The following CYB5R4 variants were observed in gnomAD, a reference collection of about 807,000 sequenced individuals.
CYB5R4 encodes the protein cytochrome b5 reductase 4.
A neutral mutation model predicts 70.2 loss-of-function variants in CYB5R4; 55 were observed. That is an observed-to-expected ratio of 0.78 (90% confidence interval 0.63 to 0.98). The LOEUF (loss-of-function observed/expected upper bound fraction) is 0.98, where lower values mean the gene tolerates loss of function less well. Among genes scored for constraint, CYB5R4 ranks in the 50% least tolerant of loss-of-function variants. CYB5R4 has a pLI of 0.00. For synonymous variants in CYB5R4, 197 were observed against 199.5 expected (o/e 0.99, Z 0.11); for missense variants, 562 against 612.6 (o/e 0.92, Z 0.87).
chr6:83,876,268 GGGGAT>G (rs1210356404), intron 2 of CYB5R4, among the ~76,000 whole-genome samples: 6 of 152,082 alleles, frequency 3.9e-5, no homozygotes, highest in African/African-American at 1.2e-4. Flanking sequence ...TGCACACTGT[GGGGAT>G]TGGGTAAATA....
At chr6:83,902,295 A>G (rs750810522) in intron 3 of CYB5R4, among the ~76,000 whole-genome samples, 11 of 152,044 alleles carry the variant, frequency 7.2e-5, no homozygotes, top group Non-Finnish European at 1.3e-4. Context: ...CTCATTGTAT[A>G]TTCTTGACGT....
At chr6:83,913,091 A>C (rs1430114641) in intron 4 of CYB5R4, among the ~76,000 whole-genome samples, 1 of 152,204 alleles carries the variant, frequency 6.6e-6, no homozygotes, top group South Asian at 2.1e-4. Context: ...TAAACTGTTG[A>C]CCTTATTGTA....
At chr6:83,937,766 G>A (rs9362021) in intron 12 of CYB5R4, among the ~76,000 whole-genome samples, 23,222 of 152,144 alleles carry the variant, frequency 0.15, 3,390 homozygotes, top group African/African-American at 0.37. Flanking sequence ...TGATTGGCCC[G>A]CCTTGGCCTC....
Position 83,940,602 on chromosome 6 carries a change from G to T in CYB5R4, c.1346+1G>T. ...AGAAATTAGCATTTAAAGATAAAAGGTATTAAACTGATATTAGCTCTGCGT... is the reference window on the plus strand; with the variant it reads ...AGAAATTAGCATTTAAAGATAAAAGTTATTAAACTGATATTAGCTCTGCGT... On this transcript the variant is annotated splice_donor_variant, in intron 14 of 15. Coordinates refer to ENST00000369681, the MANE Select transcript of CYB5R4 (RefSeq NM_016230.4). LOFTEE classifies it high-confidence loss of function. 6.3e-7 allele frequency: 1 copy of T among 1,596,696 alleles called. No individual in the cohort carries two copies. Among genetic ancestry groups the T allele is most frequent in the Non-Finnish European group, 8.5e-7 (1 of 1,174,206 alleles).
At chr6:83,933,460 G>A (rs1203721320) in intron 10 of CYB5R4, among the ~76,000 whole-genome samples, 1 of 151,932 alleles carries the variant, frequency 6.6e-6, no homozygotes, top group Non-Finnish European at 1.5e-5. Flanking sequence ...ATTAGCTGTT[G>A]GCCCTTCACT....
Position 83,965,510 on chromosome 6 carries a change from T to C in CYB5R4, c.*5632T>C, listed in dbSNP as rs1188205086. 6.6e-6 allele frequency: 1 copy of C among 152,252 alleles called. No homozygotes were observed. Among genetic ancestry groups the C allele is most frequent in the Non-Finnish European group, 1.5e-5 (1 of 68,046 alleles). The allele number at this position is 152,252 out of a possible 1,614,324, so 9.4% of individuals were successfully genotyped here. A position where few individuals can be genotyped will look rare whatever the true frequency, so the allele number is the denominator to read the frequency against. ...TTACCCAATACCTGTACCCTCATTG[T>C]ATCTAGGAAGTAACTAGCTTGCTTT... On this transcript the variant is annotated 3_prime_UTR_variant, in exon 16 of 16. Coordinates refer to ENST00000369681, the MANE Select transcript of CYB5R4 (RefSeq NM_016230.4).
rs16874081 is a variant in CYB5R4 at position 83,887,888 on chromosome 6, A to T, written c.230-5634A>T. 3.8e-3 allele frequency among the ~76,000 whole-genome samples: 578 copies of T among 152,244 alleles called. 13 individuals are homozygous for T. The East Asian group carries it at 0.056, about 15-fold the overall frequency. ...TTGCCACTGAAGAGCACCCATGTCA[A>T]TGATCTAAAAATACCAGTTGGATTG... On this transcript the variant is annotated intron_variant, in intron 2 of 15. Transcript: ENST00000369681.
In CYB5R4 at chr6:83,878,626, G is replaced by A. The variant is rs532738357; in HGVS notation, c.229+14298G>A. 6.6e-5 allele frequency among the ~76,000 whole-genome samples: 10 copies of A among 152,280 alleles called. No individual in the cohort carries two copies. The South Asian group carries it at 8.3e-4, about 13-fold the overall frequency. On this transcript the variant is annotated intron_variant, in intron 2 of 15. Coordinates refer to ENST00000369681, the MANE Select transcript of CYB5R4 (RefSeq NM_016230.4). ...CTCCCAAAGTGCTAGGATTACAGGC[G>A]TGAGCCACCGCGCCCAGCCGTGTTT...
At chr6:83,902,428 G>A (rs1159082276) in intron 3 of CYB5R4, among the ~76,000 whole-genome samples, 3 of 152,008 alleles carry the variant, frequency 2.0e-5, no homozygotes, top group Non-Finnish European at 4.4e-5. Context: ...TACAGCCTTG[G>A]AATATATTTT....
At chr6:83,898,063 G>A (rs2099462207) in intron 3 of CYB5R4, among the ~76,000 whole-genome samples, 1 of 144,596 alleles carries the variant, frequency 6.9e-6, no homozygotes, top group Non-Finnish European at 1.5e-5. Flanking sequence ...TGTTTTTATG[G>A]TAGCGTTTTT....
intron 10 of CYB5R4, among the ~76,000 whole-genome samples, chr6:83,927,538 G>C (rs2099467488): frequency 6.6e-6 from 1 of 152,022 alleles, no homozygotes; most frequent in Non-Finnish European, 1.5e-5. Flanking sequence ...ACAAAACTCA[G>C]GGATACATTT....
intron 1 of CYB5R4, among the ~76,000 whole-genome samples, chr6:83,861,202 G>C (rs578219261): frequency 1.3e-5 from 2 of 152,282 alleles, no homozygotes; most frequent in East Asian, 3.9e-4. Flanking sequence ...TAGAAGCAAA[G>C]ACAAAAAGTC....
intron 12 of CYB5R4, among the ~76,000 whole-genome samples, chr6:83,936,654 G>A (rs763531719): frequency 2.0e-5 from 3 of 152,108 alleles, no homozygotes; most frequent in East Asian, 3.9e-4. Context: ...GCTAAGTTCT[G>A]TTGAGTCTAC....
At chr6:83,889,945 T>C (rs1481025572) in intron 2 of CYB5R4, among the ~76,000 whole-genome samples, 1 of 152,088 alleles carries the variant, frequency 6.6e-6, no homozygotes, top group East Asian at 1.9e-4. Flanking sequence ...CCATGAGAGA[T>C]CTGCCCCCAT....
intron 14 of CYB5R4, among the ~76,000 whole-genome samples, chr6:83,953,394 C>A (rs1243738888): frequency 1.3e-5 from 2 of 151,232 alleles, no homozygotes; most frequent in Non-Finnish European, 2.9e-5. Flanking sequence ...AATTTTGATT[C>A]CTAGTTTTGT....
chr6:83,962,191 C>T lies in CYB5R4; in HGVS notation c.*2313C>T, dbSNP rs1051472445. 2.0e-5 allele frequency: 3 copies of T among 152,192 alleles called. No individual in the cohort carries two copies. Among genetic ancestry groups the T allele is most frequent in the Admixed American group, 1.3e-4 (2 of 15,276 alleles). The allele number at this position is 152,192 out of a possible 1,614,324, so 9.4% of individuals were successfully genotyped here. ...GTCTGACTCTTCCATACCAGCTAACCCTGTCCTATCATCCCTCAGCTGGAT... is the reference window on the plus strand; with the variant it reads ...GTCTGACTCTTCCATACCAGCTAACTCTGTCCTATCATCCCTCAGCTGGAT... On this transcript the variant is annotated 3_prime_UTR_variant, in exon 16 of 16. Transcript: ENST00000369681.
At chr6:83,912,650 A>G (rs1472885121) in intron 4 of CYB5R4, among the ~76,000 whole-genome samples, 1 of 152,250 alleles carries the variant, frequency 6.6e-6, no homozygotes, top group Non-Finnish European at 1.5e-5. Context: ...CAACTAAATG[A>G]TGGAATTAGT....
intron 4 of CYB5R4, among the ~76,000 whole-genome samples, chr6:83,911,807 G>A (rs1429616059): frequency 6.6e-6 from 1 of 152,024 alleles, no homozygotes. Context: ...ACTTTGGGAT[G>A]CCAAGGCAGG....
At chr6:83,885,545 G>A (rs1166514938) in intron 2 of CYB5R4, among the ~76,000 whole-genome samples, 1 of 152,182 alleles carries the variant, frequency 6.6e-6, no homozygotes, top group Non-Finnish European at 1.5e-5. Context: ...CTGAAAATTT[G>A]TGGGAACTTC....
Sources: allele counts gnomAD v4.1 joint callset (sites outside exome capture counted in the v4.1 genomes callset), GRCh38; gene constraint gnomAD v4.1.1; transcripts MANE v1.5; gene names NCBI Gene and HGNC (gene_info 2026-07-23, HGNC 2026-07-21).